The following NKAIN2 variants were observed in gnomAD, a reference collection of about 807,000 sequenced individuals.
NKAIN2 encodes the protein sodium/potassium-transporting ATPase subunit beta-1-interacting protein 2.
Under a neutral mutation model 32.6 loss-of-function variants are expected in NKAIN2, and 14 were observed. The observed-to-expected ratio is 0.43, with a 90% confidence interval of 0.28 to 0.67. NKAIN2 has a LOEUF of 0.67. Among genes scored for constraint, NKAIN2 ranks in the 30% least tolerant of loss-of-function variants. The pLI, the probability that NKAIN2 is intolerant of heterozygous loss-of-function variation, is 0.17. For synonymous variants in NKAIN2, 80 were observed against 87.2 expected (o/e 0.92, Z 0.46); for missense variants, 198 against 258.3 (o/e 0.77, Z 1.60).
At position 124,080,392 on chromosome 6, in the gene NKAIN2, T is replaced by A. The variant is rs1161290441; in HGVS notation, c.55-202613T>A. Among the ~76,000 whole-genome samples the A allele has an allele frequency of 1.1e-4, 16 of 152,278 alleles. 2 individuals are homozygous for A. The South Asian group carries it at 1.2e-3, about 12-fold the overall frequency. ...CAATATACGTGAGTTACAGTTTTCA[T>A]TGTTTTCTTACTTAAATCATTTTGA... On this transcript the variant is annotated intron_variant, in intron 1 of 6. Coordinates refer to ENST00000368417, the MANE Select transcript of NKAIN2 (RefSeq NM_001040214.3).
In NKAIN2 at chr6:124,270,176, C is replaced by T. The variant is rs542012644; in HGVS notation, c.55-12829C>T. Among the ~76,000 whole-genome samples the T allele has an allele frequency of 9.9e-5, 15 of 152,234 alleles. No homozygotes were observed. In the South Asian group the frequency reaches 3.1e-3, roughly 32 times the overall value. On this transcript the variant is annotated intron_variant, in intron 1 of 6. Coordinates refer to ENST00000368417, the MANE Select transcript of NKAIN2 (RefSeq NM_001040214.3). The stretch of plus-strand genomic sequence containing the variant: ...CCTATTAAATATAGTACTTGCTTGA[C>T]AGGAAACAGCTGATGATGGTAATGA...
intron 3 of NKAIN2, among the ~76,000 whole-genome samples, chr6:124,600,722 C>T (rs544075249): frequency 1.3e-5 from 2 of 152,082 alleles, no homozygotes; most frequent in African/African-American, 4.8e-5. Context: ...GTCATGTAAA[C>T]CTCCTATAGA....
At chr6:123,916,597 T>C (rs1487127293) in intron 1 of NKAIN2, among the ~76,000 whole-genome samples, 1 of 152,040 alleles carries the variant, frequency 6.6e-6, no homozygotes, top group African/African-American at 2.4e-5. Flanking sequence ...GAATGTAAGA[T>C]GCAGAAGAAC....
At chr6:124,402,113 G>C (rs1010894936) in intron 3 of NKAIN2, among the ~76,000 whole-genome samples, 1 of 152,072 alleles carries the variant, frequency 6.6e-6, no homozygotes, top group African/African-American at 2.4e-5. Flanking sequence ...TTCGTGTGTA[G>C]AGACCAGGGA....
At chr6:123,967,841 C>T (rs1281391966) in intron 1 of NKAIN2, among the ~76,000 whole-genome samples, 2 of 152,106 alleles carry the variant, frequency 1.3e-5, no homozygotes, top group Non-Finnish European at 2.9e-5. Flanking sequence ...TGTACAAACT[C>T]CCTTAAGGTA....
chr6:124,650,382 T>A (rs1003407988), intron 3 of NKAIN2, among the ~76,000 whole-genome samples: 2 of 152,116 alleles, frequency 1.3e-5, no homozygotes, highest in Non-Finnish European at 2.9e-5. Context: ...TAAAATACAA[T>A]ACCATTTATA....
At chr6:124,658,165 T>G in intron 3 of NKAIN2, 21 bp from the exon 4 acceptor site, 2 of 1,549,800 alleles carry the variant, frequency 1.3e-6, no homozygotes, top group Non-Finnish European at 1.8e-6. Flanking sequence ...ATTCTCATCC[T>G]TGTAAATTGC....
rs376899526 is a variant in NKAIN2 at position 124,353,159 on chromosome 6, CATT to C, written c.193-2107_193-2105del. On this transcript the variant is annotated intron_variant, in intron 2 of 6. Coordinates refer to ENST00000368417, the MANE Select transcript of NKAIN2 (RefSeq NM_001040214.3). ...GCTACTTATTCATTGACTTACAAAA[CATT>C]GTCTTAATAACTATTTTGTGCAAAG... 2.7e-4 allele frequency among the ~76,000 whole-genome samples: 41 copies of C among 152,238 alleles called. 1 individual carries two copies. The highest frequency in any genetic ancestry group is 9.6e-4 in the African/African-American group (40 of 41,534).
chr6:124,127,429 G>T (rs576719206), intron 1 of NKAIN2, among the ~76,000 whole-genome samples: 28 of 152,170 alleles, frequency 1.8e-4, no homozygotes, highest in Admixed American at 1.4e-3. Context: ...TATTAGAGAT[G>T]ACAGTAGAAT....
At chr6:123,973,732 C>A (rs756430008) in intron 1 of NKAIN2, among the ~76,000 whole-genome samples, 5 of 152,018 alleles carry the variant, frequency 3.3e-5, no homozygotes, top group Non-Finnish European at 5.9e-5. Flanking sequence ...CAACCTAAAT[C>A]GTGTAGTTGT....
At chr6:123,839,794 A>G (rs1313560474) in intron 1 of NKAIN2, among the ~76,000 whole-genome samples, 1 of 152,170 alleles carries the variant, frequency 6.6e-6, no homozygotes, top group Non-Finnish European at 1.5e-5. Flanking sequence ...GAATATAGGA[A>G]TGATTATGAC....
chr6:123,839,859 G>A (rs1449096028), intron 1 of NKAIN2, among the ~76,000 whole-genome samples: 1 of 152,048 alleles, frequency 6.6e-6, no homozygotes, highest in Non-Finnish European at 1.5e-5. Flanking sequence ...GCCTCTTGAA[G>A]GATATAAGCA....
chr6:124,759,534 C>T (rs2114730304), intron 4 of NKAIN2, among the ~76,000 whole-genome samples: 1 of 147,816 alleles, frequency 6.8e-6, no homozygotes, highest in South Asian at 2.2e-4. Context: ...GGTTTTTGTC[C>T]ACATGGTACT....
chr6:124,417,756 G>T (rs1426041246), intron 3 of NKAIN2, among the ~76,000 whole-genome samples: 1 of 152,068 alleles, frequency 6.6e-6, no homozygotes, highest in Non-Finnish European at 1.5e-5. Flanking sequence ...TCTGTCTCAG[G>T]CTTTCTTCAG....
chr6:124,065,906 A>G (rs941525964), intron 1 of NKAIN2, among the ~76,000 whole-genome samples: 1 of 152,208 alleles, frequency 6.6e-6, no homozygotes, highest in African/African-American at 2.4e-5. Flanking sequence ...ATGTGTATCC[A>G]TAATATATAC....
intron 1 of NKAIN2, among the ~76,000 whole-genome samples, chr6:124,061,946 A>C (rs1462851405): frequency 6.6e-6 from 1 of 152,176 alleles, no homozygotes; most frequent in Non-Finnish European, 1.5e-5. Flanking sequence ...GAATGGAGAA[A>C]ATAACAAAGA....
intron 3 of NKAIN2, among the ~76,000 whole-genome samples, chr6:124,530,874 A>G (rs1466188393): frequency 1.3e-5 from 2 of 152,228 alleles, no homozygotes; most frequent in Non-Finnish European, 2.9e-5. Context: ...TCCTAGCTCC[A>G]GAAGAAAGAA....
At chr6:123,941,190 G>T (rs1315391897) in intron 1 of NKAIN2, among the ~76,000 whole-genome samples, 1 of 151,764 alleles carries the variant, frequency 6.6e-6, no homozygotes, top group Admixed American at 6.6e-5. Flanking sequence ...GCAATAACAT[G>T]TAGAGCTGAT....
chr6:123,922,405 G>A lies in NKAIN2; in HGVS notation c.54+118151G>A, dbSNP rs529757559. On this transcript the variant is annotated intron_variant, in intron 1 of 6. Coordinates refer to ENST00000368417, the MANE Select transcript of NKAIN2 (RefSeq NM_001040214.3). ...ATGTTTTACATATGAAAATTCTGTT[G>A]GGTTGTAATAACTTCTTGGTGCCTA... 2.6e-5 allele frequency among the ~76,000 whole-genome samples: 4 copies of A among 152,234 alleles called. No homozygotes were observed. In the South Asian group the frequency reaches 8.3e-4, roughly 32 times the overall value.
Sources: allele counts gnomAD v4.1 joint callset (sites outside exome capture counted in the v4.1 genomes callset), GRCh38; gene constraint gnomAD v4.1.1; transcripts MANE v1.5; gene names NCBI Gene and HGNC (gene_info 2026-07-23, HGNC 2026-07-21).